The following SRGAP1 variants were observed in gnomAD, a reference collection of about 807,000 sequenced individuals.
SRGAP1 encodes SLIT-ROBO Rho GTPase-activating protein 1.
In SRGAP1, 43 loss-of-function variants were observed where a neutral mutation model predicts 121.9. The ratio of observed to expected loss-of-function variants is 0.35; its 90% CI spans 0.28 to 0.46. The LOEUF is 0.46. SRGAP1 is among the 20% of genes least tolerant of loss of function. SRGAP1 has a pLI of 1.00. For missense variants in SRGAP1, 1,102 were observed against 1,350.9 expected (o/e 0.82, Z 2.89); for synonymous variants, 447 against 485.4 (o/e 0.92, Z 1.04).
chr12:64,091,055 C>T (rs1197994678), intron 11 of SRGAP1, among the ~76,000 whole-genome samples: 6 of 152,136 alleles, frequency 3.9e-5, no homozygotes, highest in African/African-American at 1.4e-4. Flanking sequence ...ATGTCAGCTG[C>T]AGCATACAGG....
At chr12:63,899,743 T>G (rs1466303232) in intron 1 of SRGAP1, among the ~76,000 whole-genome samples, 3 of 152,216 alleles carry the variant, frequency 2.0e-5, no homozygotes, top group African/African-American at 4.8e-5. Flanking sequence ...AACCTTGGGC[T>G]AAACTTAAAA....
chr12:64,127,710 C>T lies in SRGAP1; in HGVS notation c.2526C>T (p.Asp842=), dbSNP rs1250129541. ...ACTCCCCGACAGACCGTCATCCTGA[C>T]GGCTATTTAGCCAGGTAAGTAGAGC... The part of the protein sequence containing the change: ...DMNSPTDRHP[D]GYLARQRKRG... The change falls in exon 20 of 22, where the codon GAC becomes GAT. Residue 842 remains aspartate (D), a synonymous_variant. Coordinates refer to ENST00000355086, the MANE Select transcript of SRGAP1 (RefSeq NM_020762.4). 2.0e-5 allele frequency: 33 copies of T among 1,614,026 alleles called. No individual in the cohort carries two copies. Among genetic ancestry groups the T allele is most frequent in the Non-Finnish European group, 2.5e-5 (29 of 1,180,018 alleles).
At chr12:63,987,534 C>T (rs1433419930) in intron 2 of SRGAP1, among the ~76,000 whole-genome samples, 2 of 151,950 alleles carry the variant, frequency 1.3e-5, no homozygotes, top group African/African-American at 2.4e-5. Context: ...ACCAGCCTGA[C>T]CAACATAGTG....
intron 1 of SRGAP1, among the ~76,000 whole-genome samples, chr12:63,943,126 T>A (rs2031923750): frequency 6.6e-6 from 1 of 152,090 alleles, no homozygotes; most frequent in Admixed American, 6.6e-5. Flanking sequence ...GAAACAGTAT[T>A]TTTTTTTCTT....
At chr12:63,924,285 G>A (rs1482707544) in intron 1 of SRGAP1, among the ~76,000 whole-genome samples, 2 of 152,212 alleles carry the variant, frequency 1.3e-5, no homozygotes, top group Non-Finnish European at 2.9e-5. Context: ...TTAATCCTCA[G>A]AGAAAGTGGG....
intron 6 of SRGAP1, among the ~76,000 whole-genome samples, chr12:64,044,369 TG>T (rs760508685): frequency 2.6e-5 from 4 of 151,992 alleles, no homozygotes; most frequent in Admixed American, 1.3e-4. Context: ...AGATAACAAG[TG>T]ATTAAGTGCC....
chr12:63,857,850 C>T (rs1310149693), intron 1 of SRGAP1, among the ~76,000 whole-genome samples: 1 of 152,134 alleles, frequency 6.6e-6, no homozygotes, highest in Admixed American at 6.6e-5. Flanking sequence ...GGCAGAATTT[C>T]CAGTACAAAA....
At position 64,143,740 on chromosome 12, in the gene SRGAP1, C is replaced by G. The variant is rs1034736861; in HGVS notation, c.*1068C>G. On this transcript the variant is annotated 3_prime_UTR_variant, in exon 22 of 22. Coordinates refer to ENST00000355086, the MANE Select transcript of SRGAP1 (RefSeq NM_020762.4). ...GAGGATGGCTTTGGGCCTAGTAGTT[C>G]GAGTCCAGCCTGGGCAGCATAGTGT... 6.6e-6 allele frequency: 1 copy of G among 151,346 alleles called. No individual in the cohort carries two copies. Among genetic ancestry groups the G allele is most frequent in the Non-Finnish European group, 1.5e-5 (1 of 67,972 alleles). 9.4% of individuals were successfully genotyped at this position (151,346 alleles called of 1,614,324 possible). A position where few individuals can be genotyped will look rare whatever the true frequency, so the allele number is the denominator to read the frequency against.
intron 17 of SRGAP1, among the ~76,000 whole-genome samples, chr12:64,114,394 C>T (rs914140608): frequency 7.0e-6 from 1 of 142,826 alleles, no homozygotes; most frequent in Non-Finnish European, 1.5e-5. Context: ...GGCTAGAGCG[C>T]CATGGCGCAA....
intron 3 of SRGAP1, among the ~76,000 whole-genome samples, chr12:64,016,171 C>T (rs751691735): frequency 3.3e-5 from 5 of 152,086 alleles, no homozygotes; most frequent in Non-Finnish European, 7.4e-5. Context: ...TCTTGCCAGG[C>T]TCAGTGGCTT....
intron 15 of SRGAP1, among the ~76,000 whole-genome samples, chr12:64,102,712 C>T (rs2036277931): frequency 6.6e-6 from 1 of 152,104 alleles, no homozygotes. Context: ...ATAATGTTTT[C>T]AAGGATCATC....
intron 1 of SRGAP1, among the ~76,000 whole-genome samples, chr12:63,905,528 TA>T (rs1189791040): frequency 6.6e-6 from 1 of 152,234 alleles, no homozygotes; most frequent in African/African-American, 2.4e-5. Flanking sequence ...AGCTCCTGCC[TA>T]AAACTTCTTT....
intron 15 of SRGAP1, chr12:64,108,728 A>G (rs1294677635): frequency 2.4e-5 from 9 of 375,466 alleles, no homozygotes; most frequent in Non-Finnish European, 3.8e-5. Context: ...ATCGGAGAAA[A>G]CGGTAAGGGT....
At chr12:64,012,751 A>G (rs565663329) in intron 3 of SRGAP1, among the ~76,000 whole-genome samples, 13 of 151,516 alleles carry the variant, frequency 8.6e-5, no homozygotes, top group African/African-American at 2.9e-4. Context: ...GAGTTTCCCC[A>G]TATTCCCCAG....
intron 1 of SRGAP1, among the ~76,000 whole-genome samples, chr12:63,879,893 C>G (rs1021801412): frequency 6.6e-6 from 1 of 152,148 alleles, no homozygotes; most frequent in Admixed American, 6.5e-5. Flanking sequence ...GTGGTTGTCT[C>G]CAGACCAAGA....
At chr12:63,958,219 C>A (rs1416581353) in intron 1 of SRGAP1, among the ~76,000 whole-genome samples, 1 of 152,176 alleles carries the variant, frequency 6.6e-6, no homozygotes, top group Non-Finnish European at 1.5e-5. Context: ...CAGTGGTATT[C>A]TTATGGCCCT....
intron 1 of SRGAP1, among the ~76,000 whole-genome samples, chr12:63,871,346 C>CATAA (rs2136277161): frequency 2.6e-5 from 4 of 152,270 alleles, no homozygotes; most frequent in African/African-American, 9.6e-5. Context: ...AGCGCCTTTT[C>CATAA]ATGCCACACC....
At chr12:64,134,912 G>C (rs950889972) in intron 21 of SRGAP1, among the ~76,000 whole-genome samples, 1 of 152,146 alleles carries the variant, frequency 6.6e-6, no homozygotes, top group Non-Finnish European at 1.5e-5. Flanking sequence ...ACCTCCAGGG[G>C]CCTGCCGGGA....
intron 1 of SRGAP1, among the ~76,000 whole-genome samples, chr12:63,903,940 G>GT (rs1202419997): frequency 6.6e-6 from 1 of 152,020 alleles, no homozygotes; most frequent in Non-Finnish European, 1.5e-5. Context: ...GCTCCAGCCT[G>GT]TTTTTTTAAA....
Sources: gnomAD v4.1 joint callset for allele counts (sites outside exome capture counted in the v4.1 genomes callset) on GRCh38, gnomAD v4.1.1 for gene constraint, MANE v1.5 for transcripts, NCBI Gene and HGNC (gene_info 2026-07-23, HGNC 2026-07-21) for gene names.